Variants in ADAMTS3 observed in about 807,000 individuals in gnomAD.
ADAMTS3 encodes the protein ADAM metallopeptidase with thrombospondin type 1 motif 3.
In ADAMTS3, 73 loss-of-function variants were observed where a neutral mutation model predicts 129.0. The ratio of observed to expected loss-of-function variants is 0.57; its 90% CI spans 0.47 to 0.69. The LOEUF (loss-of-function observed/expected upper bound fraction) is 0.69. Ranked by LOEUF, ADAMTS3 falls within the 30% of genes least tolerant of loss-of-function variation. The pLI, the probability that ADAMTS3 is intolerant of heterozygous loss-of-function variation, is 0.00. For missense variants in ADAMTS3, 1,457 were observed against 1,514.5 expected (o/e 0.96, Z 0.63); for synonymous variants, 477 against 510.8 (o/e 0.93, Z 0.89).
At chr4:72,515,469 C>T (rs1303300022) in intron 3 of ADAMTS3, among the ~76,000 whole-genome samples, 2 of 151,316 alleles carry the variant, frequency 1.3e-5, no homozygotes, top group Non-Finnish European at 2.9e-5. Flanking sequence ...AAAAGTGTTC[C>T]TATTTCTCCA....
chr4:72,307,037 C>T (rs1719106732), intron 15 of ADAMTS3, among the ~76,000 whole-genome samples: 2 of 151,806 alleles, frequency 1.3e-5, no homozygotes, highest in South Asian at 4.2e-4. Flanking sequence ...GTAACCTACA[C>T]CTTCAATACA....
chr4:72,282,950 G>C lies in ADAMTS3; in HGVS notation c.*186C>G, dbSNP rs568584893. On this transcript the variant is annotated 3_prime_UTR_variant, in exon 22 of 22. Coordinates refer to ENST00000286657, the MANE Select transcript of ADAMTS3 (RefSeq NM_014243.3). ...TCTTCCAATGAATTCTGGTAAATGA[G>C]TCAATGCAGAACAAAAGGAGGATGA... 624 of 511,478 alleles carry C rather than the reference G, an allele frequency of 1.2e-3. 5 individuals are homozygous for C. The highest frequency in any genetic ancestry group is 0.011 in the African/African-American group (566 of 51,946). The allele number at this position is 511,478 out of a possible 1,614,324, so 31.7% of individuals were successfully genotyped here.
chr4:72,514,513 C>G (rs1167004274), intron 3 of ADAMTS3, among the ~76,000 whole-genome samples: 1 of 152,100 alleles, frequency 6.6e-6, no homozygotes, highest in African/African-American at 2.4e-5. Flanking sequence ...AAAACTCTCT[C>G]GCAGAAGTTT....
At chr4:72,495,031 G>C (rs1050011304) in intron 3 of ADAMTS3, among the ~76,000 whole-genome samples, 1 of 152,176 alleles carries the variant, frequency 6.6e-6, no homozygotes, top group Non-Finnish European at 1.5e-5. Context: ...TTTAGCACCA[G>C]GTCTGACATG....
Position 72,376,007 on chromosome 4 carries a change from A to C in ADAMTS3, c.662-36314T>G, listed in dbSNP as rs76888443. Among the ~76,000 whole-genome samples, 913 of 152,334 alleles carry C rather than the reference A, an allele frequency of 6.0e-3. 11 individuals carry two copies. The highest frequency in any genetic ancestry group is 0.02 in the African/African-American group (826 of 41,586). On this transcript the variant is annotated intron_variant, in intron 4 of 21. Transcript: ENST00000286657. ...AAGAAGAAAAGGGCAAAATGCCATAAGCCAGTAGCAGTACAGATATAGGGA... is the reference window on the plus strand; with the variant it reads ...AAGAAGAAAAGGGCAAAATGCCATACGCCAGTAGCAGTACAGATATAGGGA...
chr4:72,326,443 G>A (rs1292880906), intron 5 of ADAMTS3, among the ~76,000 whole-genome samples: 1 of 152,038 alleles, frequency 6.6e-6, no homozygotes, highest in African/African-American at 2.4e-5. Context: ...TATGATAAGA[G>A]CTGGAGAAAT....
At chr4:72,379,502 T>C (rs1721221733) in intron 4 of ADAMTS3, among the ~76,000 whole-genome samples, 2 of 149,792 alleles carry the variant, frequency 1.3e-5, no homozygotes, top group Admixed American at 1.3e-4. Flanking sequence ...GTCACCAAAA[T>C]CTCTTCTGGC....
chr4:72,554,996 G>A (rs767675097), intron 2 of ADAMTS3, among the ~76,000 whole-genome samples: 198 of 151,688 alleles, frequency 1.3e-3, no homozygotes, highest in Non-Finnish European at 2.1e-3. Flanking sequence ...ACACTGTCTG[G>A]CACATAGTAA....
chr4:72,377,473 C>T (rs1721162236), intron 4 of ADAMTS3, among the ~76,000 whole-genome samples: 1 of 152,192 alleles, frequency 6.6e-6, no homozygotes. Flanking sequence ...CACTTGAGCA[C>T]TGTTAAAACC....
At chr4:72,519,174 C>A (rs1720585573) in intron 3 of ADAMTS3, among the ~76,000 whole-genome samples, 1 of 152,170 alleles carries the variant, frequency 6.6e-6, no homozygotes, top group South Asian at 2.1e-4. Context: ...CCCCCACTCT[C>A]TTCTGGCTTG....
intron 3 of ADAMTS3, among the ~76,000 whole-genome samples, chr4:72,545,970 T>C (rs1721457252): frequency 1.3e-5 from 2 of 152,206 alleles, no homozygotes; most frequent in African/African-American, 4.8e-5. Flanking sequence ...CATAGGCATA[T>C]TGGCTCATAT....
intron 5 of ADAMTS3, among the ~76,000 whole-genome samples, chr4:72,330,245 C>T (rs2109820899): frequency 1.3e-5 from 2 of 152,176 alleles, no homozygotes; most frequent in Admixed American, 1.3e-4. Context: ...TCTCGAACTC[C>T]TGACCTCAGG....
chr4:72,443,885 G>A (rs1304518464), intron 3 of ADAMTS3, among the ~76,000 whole-genome samples: 1 of 151,676 alleles, frequency 6.6e-6, no homozygotes, highest in Non-Finnish European at 1.5e-5. Context: ...ACCCATTCAA[G>A]ACTAATGGGT....
chr4:72,526,891 C>T (rs1381191628), intron 3 of ADAMTS3, among the ~76,000 whole-genome samples: 1 of 150,362 alleles, frequency 6.7e-6, no homozygotes, highest in Non-Finnish European at 1.5e-5. Context: ...TGGTCAAAAG[C>T]ACAGGTTGTG....
chr4:72,309,081 T>C (rs1461368327), intron 15 of ADAMTS3, among the ~76,000 whole-genome samples: 1 of 152,004 alleles, frequency 6.6e-6, no homozygotes, highest in Non-Finnish European at 1.5e-5. Context: ...ATTCTAATAA[T>C]TCAATCTGCA....
chr4:72,332,678 A>C (rs555076026), intron 5 of ADAMTS3, among the ~76,000 whole-genome samples: 1 of 152,226 alleles, frequency 6.6e-6, no homozygotes, highest in East Asian at 1.9e-4. Flanking sequence ...GATACCTTTG[A>C]CCTGTCACAG....
At chr4:72,359,545 T>C (rs1413892713) in intron 4 of ADAMTS3, among the ~76,000 whole-genome samples, 1 of 152,052 alleles carries the variant, frequency 6.6e-6, no homozygotes, top group Non-Finnish European at 1.5e-5. Flanking sequence ...GAAAAGGCCA[T>C]GAAATATAAA....
chr4:72,331,282 C>T (rs1719844248), intron 5 of ADAMTS3, among the ~76,000 whole-genome samples: 1 of 151,994 alleles, frequency 6.6e-6, no homozygotes. Flanking sequence ...TGCAATCTGT[C>T]TCTGTGATCT....
intron 4 of ADAMTS3, among the ~76,000 whole-genome samples, chr4:72,376,782 A>C (rs1194939871): frequency 6.6e-6 from 1 of 152,174 alleles, no homozygotes; most frequent in Non-Finnish European, 1.5e-5. Flanking sequence ...TAAAATCAGT[A>C]TACACTTTGA....
Sources: gnomAD v4.1 joint callset for allele counts (sites outside exome capture counted in the v4.1 genomes callset) on GRCh38, gnomAD v4.1.1 for gene constraint, MANE v1.5 for transcripts, NCBI Gene and HGNC (gene_info 2026-07-23, HGNC 2026-07-21) for gene names.